The following TLR8 variants were observed in gnomAD, a reference collection of about 807,000 sequenced individuals.
TLR8 encodes toll like receptor 8, also known as toll-like receptor 8.
Under a neutral mutation model 18.5 loss-of-function variants are expected in TLR8, and 5 were observed. That is an observed-to-expected ratio of 0.27 (90% CI 0.14 to 0.57). The LOEUF is 0.57. Ranked by LOEUF, TLR8 falls within the 20% of genes least tolerant of loss-of-function variation. The probability of loss-of-function intolerance (pLI) is 0.92; values close to 1 mark genes in which losing one functional copy is unlikely to be tolerated. For missense variants in TLR8, 543 were observed against 769.8 expected, an observed-to-expected ratio of 0.71 and a Z score of 3.49; for synonymous variants, 299 against 300.1, an observed-to-expected ratio of 1.00 and a Z score of 0.04.
At chrX:12,914,986 A>G (rs1295321635) in intron 1 of TLR8, among the ~76,000 whole-genome samples, 1 of 111,812 alleles carries the variant, frequency 8.9e-6, no homozygotes, top group Admixed American at 9.5e-5. Context: ...AATCACTAAG[A>G]GAGTCCATTT....
intron 1 of TLR8, among the ~76,000 whole-genome samples, chrX:12,909,999 G>T (rs2043010188): frequency 8.9e-6 from 1 of 112,130 alleles, no homozygotes; most frequent in Non-Finnish European, 1.9e-5. Context: ...ACTTAATGTG[G>T]TCATGTTTTC....
intron 1 of TLR8, 77 bp downstream of exon 1, chrX:12,906,786 C>A: frequency 1.1e-6 from 1 of 922,442 alleles, no homozygotes; most frequent in Non-Finnish European, 1.4e-6. Flanking sequence ...GGGTTGGTGG[C>A]AAATGGTGTG....
At position 12,921,927 on chromosome X, in the gene TLR8, G is replaced by A. The variant is rs768589293; in HGVS notation, c.2887G>A (p.Ala963Thr). The A allele has an allele frequency of 2.5e-6, 3 of 1,209,636 alleles. No homozygotes were observed. In the African/African-American group the frequency reaches 5.2e-5, roughly 21 times the overall value. ...SWNFKTAFYL[A>T]LQRLMDENMD... ...GAACTTTAAAACAGCTTTTTACTTG[G>A]CTTTGCAGAGGCTAATGGATGAGAA... The change falls in exon 2 of 2, where the codon GCT becomes ACT. Residue 963 changes from alanine (A) to threonine (T), a missense_variant. Ala to Thr is a moderately conservative substitution (Grantham distance 58, BLOSUM62 0). Coordinates refer to ENST00000218032, the MANE Select transcript of TLR8 (RefSeq NM_138636.5).
At position 12,906,672 on chromosome X, in the gene TLR8, CA is replaced by C; in HGVS notation, c.-33del. The C allele has an allele frequency of 1.8e-6, 2 of 1,101,403 alleles. No individual in the cohort carries two copies. Among genetic ancestry groups the C allele is most frequent in the East Asian group, 7.0e-5 (2 of 28,611 alleles). 90.8% of individuals were successfully genotyped at this position (1,101,403 alleles called of 1,213,427 possible). Reference sequence around the variant, plus strand: ...TAGAGGGTACCATTCTGCGCTGCTGCAAGTTACGGAATGAAAAATTAGAACA... The same window carrying C: ...TAGAGGGTACCATTCTGCGCTGCTGCAGTTACGGAATGAAAAATTAGAACA... On this transcript the variant is annotated 5_prime_UTR_variant, in exon 1 of 2. Transcript: ENST00000218032.
chrX:12,912,101 T>C (rs1057458585), intron 1 of TLR8, among the ~76,000 whole-genome samples: 23 of 22,446 alleles, frequency 1.0e-3, no homozygotes, highest in South Asian at 4.4e-3. Context: ...TCTATTTGCA[T>C]AGTGGTATTT....
rs776006574 is a variant in TLR8, at chrX:12,919,554, T to C, written c.514T>C (p.Leu172=). 4 of 1,204,624 alleles carry C rather than the reference T, an allele frequency of 3.3e-6. No homozygotes were observed. The highest frequency in any genetic ancestry group is 2.2e-5 in the Admixed American group (1 of 44,551). ...AGAGGGCATTTCAAGACTTATAAAC[T>C]TGAAAAATCTCTATTTGGCCTGGAA... ...TKEGISRLIN[L]KNLYLAWNCY... The change falls in exon 2 of 2, where the codon TTG becomes CTG. Residue 172 remains leucine (L), a synonymous_variant. Transcript: ENST00000218032.
chrX:12,917,427 G>A (rs949464147), intron 1 of TLR8, among the ~76,000 whole-genome samples: 1 of 112,430 alleles, frequency 8.9e-6, no homozygotes, highest in Non-Finnish European at 1.9e-5. Flanking sequence ...AACATAGTGA[G>A]AGTGTGACAT....
Position 12,920,681 on chromosome X carries a change from T to C in TLR8, c.1641T>C (p.Ala547=), listed in dbSNP as rs760425880. 4 of 1,211,804 alleles carry C rather than the reference T, an allele frequency of 3.3e-6. No homozygotes were observed. Among genetic ancestry groups the C allele is most frequent in the Admixed American group, 2.2e-5 (1 of 46,063 alleles). Residue 547 remains alanine, a synonymous_variant, in exon 2 of 2, where the codon GCT becomes GCC. Coordinates refer to ENST00000218032, the MANE Select transcript of TLR8 (RefSeq NM_138636.5). The stretch of plus-strand genomic sequence containing the variant: ...ACAATAGACTAGACTTTGATAATGC[T>C]AGTGCTCTTACTGAATTGTCCGACT... ...LTNNRLDFDN[A]SALTELSDLE...
rs768439404 is a variant in TLR8, at chrX:12,907,491, T to C, written c.3+782T>C. ...TCATCCAAAATGTACTATATATTTT[T>C]CCCCAAAGTCCTTGGAGTTAATTTT... On this transcript the variant is annotated intron_variant, in intron 1 of 1. Coordinates refer to ENST00000218032, the MANE Select transcript of TLR8 (RefSeq NM_138636.5). 6.2e-5 allele frequency among the ~76,000 whole-genome samples: 7 copies of C among 112,272 alleles called. No individual in the cohort carries two copies. In the South Asian group the frequency reaches 1.1e-3, roughly 18 times the overall value.
chrX:12,914,912 T>C (rs762185423), intron 1 of TLR8, among the ~76,000 whole-genome samples: 44 of 111,664 alleles, frequency 3.9e-4, no homozygotes, highest in Non-Finnish European at 7.9e-4. Context: ...GAAAAAGTTC[T>C]ATTGAAGAAC....
At chrX:12,917,534 G>T (rs1305292677) in intron 1 of TLR8, among the ~76,000 whole-genome samples, 3 of 112,527 alleles carry the variant, frequency 2.7e-5, no homozygotes, top group African/African-American at 9.7e-5. Context: ...TTGGGCTTTA[G>T]TGAAAAATCT....
chrX:12,910,502 C>G lies in TLR8; in HGVS notation c.3+3793C>G. 17 of 1,096,119 alleles carry G rather than the reference C, an allele frequency of 1.6e-5. No individual in the cohort carries two copies. The South Asian group carries it at 3.4e-4, about 22-fold the overall frequency. 90.3% of individuals were successfully genotyped at this position (1,096,119 alleles called of 1,213,427 possible). A position where few individuals can be genotyped will look rare whatever the true frequency, so the allele number is the denominator to read the frequency against. On this transcript the variant is annotated intron_variant, in intron 1 of 1. Coordinates refer to ENST00000218032, the MANE Select transcript of TLR8 (RefSeq NM_138636.5). The stretch of plus-strand genomic sequence containing the variant: ...CGCCCCTCCCAGACCACCTGCACTG[C>G]ACACTACGTGGAATTTATTTTAGTC...
Position 12,920,976 on chromosome X carries a change from T to G in TLR8, c.1936T>G (p.Leu646Val). Residue 646 changes from leucine (L) to valine (V), a missense_variant, in exon 2 of 2, where the codon TTA becomes GTA. By Grantham distance (32) the Leu-to-Val change is conservative. Around this residue, in one of 4 missense-constraint regions of TLR8, gnomAD observed 227 missense variants for 312.9 expected, o/e 0.73. Coordinates refer to ENST00000218032, the MANE Select transcript of TLR8 (RefSeq NM_138636.5). ...KGLKNLTRLD[L>V]SLNRLKHIPN... The stretch of plus-strand genomic sequence containing the variant: ...TCTCAAGAATCTGACACGTCTGGAT[T>G]TATCCCTTAATAGGCTGAAGCACAT... The G allele has an allele frequency of 8.3e-7, 1 of 1,211,621 alleles. No homozygotes were observed. Among genetic ancestry groups the G allele is most frequent in the African/African-American group, 1.7e-5 (1 of 57,830 alleles).
intron 1 of TLR8, among the ~76,000 whole-genome samples, chrX:12,914,943 C>G (rs936566692): frequency 7.2e-5 from 8 of 111,427 alleles, no homozygotes; most frequent in African/African-American, 2.6e-4. Context: ...AATATGGTGA[C>G]TATAGTTAAT....
Position 12,919,878 on chromosome X carries a change from C to G in TLR8, c.838C>G (p.Arg280Gly). 1.7e-6 allele frequency: 2 copies of G among 1,211,258 alleles called. No individual in the cohort carries two copies. The highest frequency in any genetic ancestry group is 2.2e-6 in the Non-Finnish European group (2 of 895,279). ...TGGTGGTGCTTCAATTAATATAGAT[C>G]GTTTTGCTTTTCAAAACTTGACCCA... ...CDGGASINID[R>G]FAFQNLTQLR... The change falls in exon 2 of 2, where the codon CGT becomes GGT. Residue 280 changes from arginine (R) to glycine (G), a missense_variant. Arg to Gly is a moderately radical substitution (Grantham distance 125). Around this residue, in one of 4 missense-constraint regions of TLR8, gnomAD observed 185 missense variants for 298.9 expected, o/e 0.62. Coordinates refer to ENST00000218032, the MANE Select transcript of TLR8 (RefSeq NM_138636.5).
chrX:12,914,692 G>T (rs5741884), intron 1 of TLR8, among the ~76,000 whole-genome samples: 44 of 109,712 alleles, frequency 4.0e-4, no homozygotes, highest in Middle Eastern at 4.7e-3. Context: ...TCTTGAACGC[G>T]TTCTTTTCTA....
At chrX:12,915,074 A>G (rs5744056) in intron 1 of TLR8, among the ~76,000 whole-genome samples, 75 of 112,459 alleles carry the variant, frequency 6.7e-4, no homozygotes, top group African/African-American at 2.4e-3. Context: ...GGCATTCTAC[A>G]TGTATACATA....
At chrX:12,918,543 GT>G (rs2043071099) in intron 1 of TLR8, among the ~76,000 whole-genome samples, 1 of 109,851 alleles carries the variant, frequency 9.1e-6, no homozygotes, top group African/African-American at 3.3e-5. Flanking sequence ...CCTTTTTTTT[GT>G]TGTTTTTGAG....
At chrX:12,914,558 C>G (rs950776143) in intron 1 of TLR8, among the ~76,000 whole-genome samples, 4 of 111,662 alleles carry the variant, frequency 3.6e-5, no homozygotes, top group Non-Finnish European at 7.5e-5. Flanking sequence ...TGAATGACAC[C>G]CATCCCTCCA....
Sources: gnomAD v4.1 joint callset for allele counts (sites outside exome capture counted in the v4.1 genomes callset) on GRCh38, gnomAD v4.1.1 for gene constraint, gnomAD v4.1.1 regional missense constraint, MANE v1.5 for transcripts, NCBI Gene and HGNC (gene_info 2026-07-23, HGNC 2026-07-21) for gene names.